The following STXBP6 variants were observed in gnomAD, a reference collection of about 807,000 sequenced individuals.
STXBP6 encodes syntaxin binding protein 6, also known as syntaxin-binding protein 6.
Under a neutral mutation model 26.9 loss-of-function variants are expected in STXBP6, and 21 were observed. That is an observed-to-expected ratio of 0.78 (90% confidence interval 0.55 to 1.12). The LOEUF (loss-of-function observed/expected upper bound fraction) is 1.12. STXBP6 is among the 50% of genes most tolerant of loss of function. The probability of loss-of-function intolerance (pLI) is 0.00; values close to 1 mark genes in which losing one functional copy is unlikely to be tolerated. For synonymous variants in STXBP6, 97 were observed against 92.6 expected (o/e 1.05, Z -0.27); for missense variants, 232 against 257.9 (o/e 0.90, Z 0.69).
intron 2 of STXBP6, among the ~76,000 whole-genome samples, chr14:24,905,714 T>C (rs1427117502): frequency 6.6e-6 from 1 of 152,214 alleles, no homozygotes; most frequent in Non-Finnish European, 1.5e-5. Context: ...CTGTCTTTCA[T>C]TTACTTCAAC....
chr14:24,948,023 C>T lies in STXBP6; in HGVS notation c.154+26642G>A, dbSNP rs148112177. ...AAACAAACATTAATTTAAAACAAAA[C>T]GGCAGTCTCCATATGCAGTATCCTT... On this transcript the variant is annotated intron_variant, in intron 2 of 5. Transcript: ENST00000323944. 2.9e-3 allele frequency among the ~76,000 whole-genome samples: 442 copies of T among 152,262 alleles called. 3 individuals are homozygous for T. The highest frequency in any genetic ancestry group is 0.01 in the African/African-American group (426 of 41,552).
Position 24,915,241 on chromosome 14 carries a change from A to T in STXBP6, c.155-58084T>A, listed in dbSNP as rs558768210. Among the ~76,000 whole-genome samples, 3 of 152,248 alleles carry T rather than the reference A, an allele frequency of 2.0e-5. No individual in the cohort carries two copies. The South Asian group carries it at 6.2e-4, about 32-fold the overall frequency. On this transcript the variant is annotated intron_variant, in intron 2 of 5. Coordinates refer to ENST00000323944, the MANE Select transcript of STXBP6 (RefSeq NM_001394410.1). ...TGGCTTTGTAAATTCTTTCATTTCA[A>T]CTATGGTTCAGGATTATATTCTGAT... is the stretch of plus-strand genomic sequence containing the variant.
Position 24,999,137 on chromosome 14 carries a change from T to C in STXBP6, c.-32-24287A>G, listed in dbSNP as rs535695334. 3.0e-4 allele frequency among the ~76,000 whole-genome samples: 45 copies of C among 152,270 alleles called. No individual in the cohort carries two copies. The East Asian group carries it at 3.7e-3, about 12-fold the overall frequency. On this transcript the variant is annotated intron_variant, in intron 1 of 5. Transcript: ENST00000323944. ...TGCATTTAACACCCCAATAAACCCATTGTACAGCTGAAAAACTGTTAGTCA... is the reference window on the plus strand; with the variant it reads ...TGCATTTAACACCCCAATAAACCCACTGTACAGCTGAAAAACTGTTAGTCA...
At chr14:24,923,967 A>G (rs930502968) in intron 2 of STXBP6, among the ~76,000 whole-genome samples, 4 of 152,268 alleles carry the variant, frequency 2.6e-5, no homozygotes, top group Admixed American at 1.3e-4. Flanking sequence ...GTAGTTGTTC[A>G]AGAAATCCTT....
At chr14:24,980,670 A>G (rs1365275894) in intron 1 of STXBP6, among the ~76,000 whole-genome samples, 1 of 152,224 alleles carries the variant, frequency 6.6e-6, no homozygotes, top group African/African-American at 2.4e-5. Context: ...AGATGGGAAT[A>G]GCAGACCAAG....
intron 2 of STXBP6, among the ~76,000 whole-genome samples, chr14:24,888,520 G>A (rs148541426): frequency 6.2e-4 from 94 of 152,100 alleles, no homozygotes; most frequent in African/African-American, 2.2e-3. Context: ...TCAGAGGATC[G>A]AGCCCAGCCT....
At chr14:24,970,482 T>C (rs1234547435) in intron 2 of STXBP6, among the ~76,000 whole-genome samples, 1 of 152,214 alleles carries the variant, frequency 6.6e-6, no homozygotes, top group Non-Finnish European at 1.5e-5. Context: ...TCACATAGTA[T>C]ATTGATGCTT....
intron 4 of STXBP6, among the ~76,000 whole-genome samples, chr14:24,835,489 GA>G (rs2068584811): frequency 1.3e-5 from 2 of 152,150 alleles, no homozygotes; most frequent in African/African-American, 4.8e-5. Flanking sequence ...ATGAGGGTGA[GA>G]GGGGTGGAAT....
chr14:25,046,782 GA>G (rs1005454917), intron 1 of STXBP6, among the ~76,000 whole-genome samples: 16 of 152,162 alleles, frequency 1.1e-4, no homozygotes, highest in African/African-American at 3.6e-4. Flanking sequence ...GGGGGAAAAG[GA>G]AAAGAGCTTA....
intron 1 of STXBP6, among the ~76,000 whole-genome samples, chr14:25,019,064 C>T (rs2075212901): frequency 6.6e-6 from 1 of 152,154 alleles, no homozygotes; most frequent in Non-Finnish European, 1.5e-5. Flanking sequence ...AAGATGTACA[C>T]AAAAGTATGG....
At chr14:24,927,981 GCA>G (rs1394586564) in intron 2 of STXBP6, among the ~76,000 whole-genome samples, 2 of 152,012 alleles carry the variant, frequency 1.3e-5, no homozygotes, top group Non-Finnish European at 2.9e-5. Flanking sequence ...TTATACCTCT[GCA>G]CACAGAGACA....
chr14:24,861,091 T>G (rs1214596677), intron 2 of STXBP6, among the ~76,000 whole-genome samples: 1 of 152,132 alleles, frequency 6.6e-6, no homozygotes, highest in African/African-American at 2.4e-5. Context: ...TAAATAGCTA[T>G]AGTTTGATGT....
intron 2 of STXBP6, among the ~76,000 whole-genome samples, chr14:24,865,015 AAATTATCTAAAATT>A (rs779395793): frequency 6.6e-6 from 1 of 152,138 alleles, no homozygotes; most frequent in Non-Finnish European, 1.5e-5. Flanking sequence ...TACATTATAA[AAATTATCTAAAATT>A]AAAATTAGCT....
chr14:25,041,847 T>G (rs528811515), intron 1 of STXBP6, among the ~76,000 whole-genome samples: 1 of 152,362 alleles, frequency 6.6e-6, no homozygotes, highest in African/African-American at 2.4e-5. Flanking sequence ...GCCCTGGCAT[T>G]GTAACAAAGT....
chr14:24,950,300 AT>A lies in STXBP6; in HGVS notation c.154+24364del, dbSNP rs2073119767. Among the ~76,000 whole-genome samples, 4 of 152,314 alleles carry A rather than the reference AT, an allele frequency of 2.6e-5. No homozygotes were observed. In the South Asian group the frequency reaches 6.2e-4, roughly 24 times the overall value. On this transcript the variant is annotated intron_variant, in intron 2 of 5. Transcript: ENST00000323944. ...TTATACACAGAAGCTGAAGAGGTACATACTCTTCAACTTAGCAATCATATTC... is the reference window on the plus strand; with the variant it reads ...TTATACACAGAAGCTGAAGAGGTACAACTCTTCAACTTAGCAATCATATTC...
chr14:25,008,213 T>C (rs1043653344), intron 1 of STXBP6, among the ~76,000 whole-genome samples: 17 of 152,234 alleles, frequency 1.1e-4, no homozygotes, highest in African/African-American at 4.1e-4. Context: ...TTTAAAAGTT[T>C]ATCTTTTTGG....
chr14:24,979,883 A>G (rs1244586675), intron 1 of STXBP6, among the ~76,000 whole-genome samples: 3 of 152,138 alleles, frequency 2.0e-5, no homozygotes, highest in African/African-American at 4.8e-5. Flanking sequence ...CTCTTACTTT[A>G]CCACAATCAG....
chr14:24,890,848 C>A (rs2139527529), intron 2 of STXBP6, among the ~76,000 whole-genome samples: 1 of 152,320 alleles, frequency 6.6e-6, no homozygotes. Context: ...AAACTCCCAG[C>A]TGATTGCTCT....
intron 1 of STXBP6, among the ~76,000 whole-genome samples, chr14:25,028,828 T>C (rs541389696): frequency 3.9e-5 from 6 of 152,200 alleles, no homozygotes; most frequent in Middle Eastern, 3.4e-3. Context: ...AATATCAACA[T>C]TAACACGAGC....
Sources: allele counts gnomAD v4.1 joint callset (sites outside exome capture counted in the v4.1 genomes callset), GRCh38; gene constraint gnomAD v4.1.1; transcripts MANE v1.5; gene names NCBI Gene and HGNC (gene_info 2026-07-23, HGNC 2026-07-21).